The following SEL1L3 variants were observed in gnomAD, a reference collection of about 807,000 sequenced individuals.
The protein encoded by SEL1L3 is protein sel-1 homolog 3.
SEL1L3 carries 76 observed loss-of-function variants against 142.8 expected under a neutral mutation model. That is an observed-to-expected ratio of 0.53 (90% CI 0.44 to 0.64). The LOEUF is 0.64. SEL1L3 is among the 30% of genes least tolerant of loss of function. The pLI, the probability that SEL1L3 is intolerant of heterozygous loss-of-function variation, is 0.00. For missense variants in SEL1L3, 1,262 were observed against 1,381.7 expected (o/e 0.91, Z 1.37); for synonymous variants, 504 against 519.6 (o/e 0.97, Z 0.41).
At chr4:25,859,637 C>T (rs1717555834) in intron 1 of SEL1L3, among the ~76,000 whole-genome samples, 1 of 152,216 alleles carries the variant, frequency 6.6e-6, no homozygotes, top group Non-Finnish European at 1.5e-5. Context: ...AAAACAGGAA[C>T]TGGTCCCCAA....
chr4:25,727,817 G>A, the SEL1L3 span, among the ~76,000 whole-genome samples: 2 of 152,168 alleles, frequency 1.3e-5, no homozygotes, highest in Non-Finnish European at 2.9e-5. Context: ...AGTCAGAGGG[G>A]AGAGATTGGG....
intron 16 of SEL1L3, 135 bp downstream of exon 16, chr4:25,778,941 G>A: frequency 4.4e-6 from 3 of 679,990 alleles, no homozygotes; most frequent in Middle Eastern, 3.7e-4. Context: ...ATTTTGTCTT[G>A]TCAAATTACA....
chr4:25,757,668 C>G lies in SEL1L3; in HGVS notation c.3186+20G>C. On this transcript the variant is annotated intron_variant, in intron 22 of 23. Coordinates refer to ENST00000399878, the MANE Select transcript of SEL1L3 (RefSeq NM_015187.5). Reference sequence around the variant, plus strand: ...AGGGCAGGGGCCACAAGGGTGGGGCCGGTGGGACATGAAACCTACCAGGGC... The same window carrying G: ...AGGGCAGGGGCCACAAGGGTGGGGCGGGTGGGACATGAAACCTACCAGGGC... The G allele has an allele frequency of 6.4e-7, 1 of 1,571,012 alleles. No individual in the cohort carries two copies. Among genetic ancestry groups the G allele is most frequent in the Non-Finnish European group, 8.6e-7 (1 of 1,158,124 alleles).
At chr4:25,743,981 C>T (rs934309210), downstream of SEL1L3, among the ~76,000 whole-genome samples, 6 of 152,206 alleles carry the variant, frequency 3.9e-5, no homozygotes, top group African/African-American at 9.6e-5. Flanking sequence ...AGGTGTGTGC[C>T]GGACCCAGAT....
intron 9 of SEL1L3, among the ~76,000 whole-genome samples, chr4:25,807,250 A>G (rs1337563992): frequency 1.3e-5 from 2 of 152,170 alleles, no homozygotes; most frequent in African/African-American, 4.8e-5. Context: ...TGGTTTTGCT[A>G]TAACCAACAA....
intron 17 of SEL1L3, among the ~76,000 whole-genome samples, chr4:25,775,452 G>A (rs1408630392): frequency 6.6e-6 from 1 of 152,206 alleles, no homozygotes; most frequent in Non-Finnish European, 1.5e-5. Context: ...GATCAATGCT[G>A]AGTCTCAGCT....
chr4:25,735,109 C>A, the SEL1L3 span, among the ~76,000 whole-genome samples: 2 of 151,986 alleles, frequency 1.3e-5, no homozygotes, highest in Non-Finnish European at 1.5e-5. Context: ...ACTGCTGAAG[C>A]CATCTGGGCT....
chr4:25,742,748 G>A (rs1187682581), downstream of SEL1L3, among the ~76,000 whole-genome samples: 9 of 152,150 alleles, frequency 5.9e-5, no homozygotes, highest in Non-Finnish European at 1.5e-5. Context: ...TATTGCTGGT[G>A]TAGGAAAACA....
chr4:25,795,157 T>G (rs1474604462), intron 11 of SEL1L3, among the ~76,000 whole-genome samples: 1 of 147,872 alleles, frequency 6.8e-6, no homozygotes, highest in Admixed American at 6.6e-5. Flanking sequence ...ATGGCACACG[T>G]TTACCTATGT....
intron 1 of SEL1L3, chr4:25,861,827 C>T (rs531609535): frequency 6.6e-6 from 1 of 152,242 alleles, no homozygotes; most frequent in African/African-American, 2.4e-5. Context: ...GAACTCAAAA[C>T]AGAAGCAAGC....
the SEL1L3 span, among the ~76,000 whole-genome samples, chr4:25,725,440 T>C: frequency 6.6e-6 from 1 of 151,856 alleles, no homozygotes; most frequent in Non-Finnish European, 1.5e-5. Flanking sequence ...CTCCGCCTCT[T>C]GAGTAGTTGG....
At chr4:25,730,414 T>C in the SEL1L3 span, among the ~76,000 whole-genome samples, 1 of 152,048 alleles carries the variant, frequency 6.6e-6, no homozygotes, top group Non-Finnish European at 1.5e-5. Context: ...GTGAGGAAAC[T>C]AGTTAGTCCG....
At chr4:25,790,150 A>G (rs1167740938) in intron 12 of SEL1L3, among the ~76,000 whole-genome samples, 1 of 152,180 alleles carries the variant, frequency 6.6e-6, no homozygotes, top group Non-Finnish European at 1.5e-5. Context: ...TGAAGTCAAG[A>G]GGGGCCACGT....
At chr4:25,745,492 G>T (rs1389646067), downstream of SEL1L3, among the ~76,000 whole-genome samples, 2 of 152,162 alleles carry the variant, frequency 1.3e-5, no homozygotes, top group African/African-American at 4.8e-5. Flanking sequence ...GAGCTGGGAT[G>T]CCCTGCCGTT....
chr4:25,775,153 A>C (rs1719524527), intron 17 of SEL1L3, among the ~76,000 whole-genome samples: 1 of 152,248 alleles, frequency 6.6e-6, no homozygotes, highest in South Asian at 2.1e-4. Flanking sequence ...AGCATCACAA[A>C]AATTGTAAGG....
upstream of SEL1L3, chr4:25,863,405 C>A: frequency 1.4e-6 from 1 of 697,614 alleles, no homozygotes; most frequent in Non-Finnish European, 2.6e-6. Context: ...TCCTCTTCCT[C>A]GCTTCCGCAT....
the SEL1L3 span, among the ~76,000 whole-genome samples, chr4:25,736,680 T>G: frequency 6.6e-6 from 1 of 152,234 alleles, no homozygotes; most frequent in Non-Finnish European, 1.5e-5. Flanking sequence ...ATGTCAATAG[T>G]GTCTTTCAGA....
At chr4:25,754,013 A>G (rs1717780937) in intron 23 of SEL1L3, among the ~76,000 whole-genome samples, 1 of 148,532 alleles carries the variant, frequency 6.7e-6, no homozygotes, top group East Asian at 2.0e-4. Context: ...AAATAAATAA[A>G]TAAATAAGGT....
chr4:25,796,790 A>C (rs1347612070), intron 11 of SEL1L3, among the ~76,000 whole-genome samples: 1 of 152,092 alleles, frequency 6.6e-6, no homozygotes, highest in Non-Finnish European at 1.5e-5. Flanking sequence ...CAAAACAAAA[A>C]AACAAAAACA....
Sources: allele counts gnomAD v4.1 joint callset (sites outside exome capture counted in the v4.1 genomes callset), GRCh38; gene constraint gnomAD v4.1.1; transcripts MANE v1.5; gene names NCBI Gene and HGNC (gene_info 2026-07-23, HGNC 2026-07-21).